The following SLC16A7 variants were observed in gnomAD, a reference collection of about 807,000 sequenced individuals.
SLC16A7 encodes the protein monocarboxylate transporter 2.
A neutral mutation model predicts 34.9 loss-of-function variants in SLC16A7; 33 were observed. That is an observed-to-expected ratio of 0.94 (90% CI 0.72 to 1.26). The LOEUF (loss-of-function observed/expected upper bound fraction) is 1.26. SLC16A7 is among the 50% of genes most tolerant of loss of function. The probability of loss-of-function intolerance (pLI) is 0.00; values close to 1 mark genes in which losing one functional copy is unlikely to be tolerated. For synonymous variants in SLC16A7, 201 were observed against 206.6 expected, an observed-to-expected ratio of 0.97 and a Z score of 0.23; for missense variants, 573 against 578.1, an observed-to-expected ratio of 0.99 and a Z score of 0.09.
chr12:59,710,343 T>C (rs980131943), intron 3 of SLC16A7, among the ~76,000 whole-genome samples: 2 of 152,148 alleles, frequency 1.3e-5, no homozygotes, highest in African/African-American at 4.8e-5. Context: ...GGAATAAAAG[T>C]GAGAGGCAAG....
intron 3 of SLC16A7, among the ~76,000 whole-genome samples, chr12:59,739,822 T>G (rs1440277624): frequency 6.6e-6 from 1 of 152,222 alleles, no homozygotes; most frequent in Admixed American, 6.5e-5. Flanking sequence ...TCATGTGTTT[T>G]TTGGCTGCAT....
intron 2 of SLC16A7, among the ~76,000 whole-genome samples, chr12:59,687,022 C>T (rs1380892943): frequency 6.6e-6 from 1 of 151,566 alleles, no homozygotes; most frequent in East Asian, 1.9e-4. Flanking sequence ...ATACATATAG[C>T]AAAACATTTT....
chr12:59,689,753 C>G (rs1309588821), intron 2 of SLC16A7, among the ~76,000 whole-genome samples: 1 of 151,838 alleles, frequency 6.6e-6, no homozygotes, highest in African/African-American at 2.4e-5. Context: ...AGAAAAGAAC[C>G]AAAACACCAG....
chr12:59,704,292 C>T (rs376014549), intron 2 of SLC16A7, among the ~76,000 whole-genome samples: 3 of 145,880 alleles, frequency 2.1e-5, no homozygotes, highest in East Asian at 4.1e-4. Context: ...GCGTAGACAA[C>T]AGAAAGCAAT....
intron 3 of SLC16A7, among the ~76,000 whole-genome samples, chr12:59,757,765 G>C (rs2706294): frequency 6.6e-6 from 1 of 151,730 alleles, no homozygotes; most frequent in Non-Finnish European, 1.5e-5. Flanking sequence ...CCTACTTAAC[G>C]TGAAGATAAT....
At chr12:59,661,308 A>T (rs77754251) in intron 2 of SLC16A7, among the ~76,000 whole-genome samples, 2,277 of 152,148 alleles carry the variant, frequency 0.015, 59 homozygotes, top group African/African-American at 0.052. Context: ...GGGAAAGAAG[A>T]TAGATTTAAC....
intron 3 of SLC16A7, among the ~76,000 whole-genome samples, chr12:59,763,360 C>T (rs148435353): frequency 3.9e-5 from 6 of 151,910 alleles, no homozygotes; most frequent in Admixed American, 2.6e-4. Flanking sequence ...TTTGAACTTG[C>T]CAAAAATCAC....
rs367631966 is a variant in SLC16A7, at chr12:59,597,420, A to G, written c.-130+1184A>G. Among the ~76,000 whole-genome samples the G allele has an allele frequency of 1.1e-4, 16 of 152,294 alleles. No individual in the cohort carries two copies. The East Asian group carries it at 2.5e-3, about 24-fold the overall frequency. The stretch of plus-strand genomic sequence containing the variant: ...GCGGACAATGATGAAAGTGATGGGA[A>G]AAAGACTGGACCCAGAGGAAAGAGT... On this transcript the variant is annotated intron_variant, in intron 1 of 5. Transcript: ENST00000547379.
intron 2 of SLC16A7, among the ~76,000 whole-genome samples, chr12:59,658,020 A>G (rs1487841145): frequency 1.3e-5 from 2 of 151,988 alleles, no homozygotes; most frequent in African/African-American, 4.8e-5. Context: ...TTTCTCTAGT[A>G]TGAGGAAAAA....
chr12:59,775,192 T>C lies in SLC16A7; in HGVS notation c.897T>C (p.Ser299=). The C allele has an allele frequency of 1.2e-6, 2 of 1,614,184 alleles. No individual in the cohort carries two copies. The highest frequency in any genetic ancestry group is 1.7e-6 in the Non-Finnish European group (2 of 1,180,022). ...TCGTTGATATGTTTGCTAGGCCTTCTGTAGGATTAATTGCAAACTCCAAAT... is the reference window on the plus strand; with the variant it reads ...TCGTTGATATGTTTGCTAGGCCTTCCGTAGGATTAATTGCAAACTCCAAAT... The part of the protein sequence containing the change: ...MAFVDMFARP[S]VGLIANSKYI... Residue 299 remains serine (S), a synonymous_variant, in exon 5 of 6, where the codon TCT becomes TCC. Coordinates refer to ENST00000547379, the MANE Select transcript of SLC16A7 (RefSeq NM_001270623.2).
intron 3 of SLC16A7, among the ~76,000 whole-genome samples, chr12:59,748,665 C>T (rs185117705): frequency 6.6e-6 from 1 of 152,292 alleles, no homozygotes. Flanking sequence ...AGCAAAAATA[C>T]TACTGTAAGA....
intron 1 of SLC16A7, among the ~76,000 whole-genome samples, chr12:59,644,947 C>T (rs1240720777): frequency 2.0e-5 from 3 of 152,286 alleles, no homozygotes; most frequent in Non-Finnish European, 2.9e-5. Context: ...AGAAGTTAAG[C>T]ATGAAATCCA....
At chr12:59,736,862 C>T (rs975618724) in intron 3 of SLC16A7, among the ~76,000 whole-genome samples, 1 of 152,212 alleles carries the variant, frequency 6.6e-6, no homozygotes, top group Non-Finnish European at 1.5e-5. Flanking sequence ...GCCTTCCAAT[C>T]CCTCCCACTG....
chr12:59,631,286 T>A (rs1416759981), intron 1 of SLC16A7, among the ~76,000 whole-genome samples: 1 of 151,954 alleles, frequency 6.6e-6, no homozygotes, highest in Non-Finnish European at 1.5e-5. Context: ...GTACTTTCGC[T>A]TGTAGCAGAA....
At position 59,728,230 on chromosome 12, in the gene SLC16A7, A is replaced by G. The variant is rs1876516429; in HGVS notation, c.217+23212A>G. On this transcript the variant is annotated intron_variant, in intron 3 of 5. Coordinates refer to ENST00000547379, the MANE Select transcript of SLC16A7 (RefSeq NM_001270623.2). ...TAGGATGACCATGGATTTGGGACATAATGGGTCTGGGCCAGGTGGAAGAGC... is the reference window on the plus strand; with the variant it reads ...TAGGATGACCATGGATTTGGGACATGATGGGTCTGGGCCAGGTGGAAGAGC... 3.3e-5 allele frequency among the ~76,000 whole-genome samples: 5 copies of G among 152,194 alleles called. No individual in the cohort carries two copies. The South Asian group carries it at 1.0e-3, about 31-fold the overall frequency.
intron 3 of SLC16A7, among the ~76,000 whole-genome samples, chr12:59,717,351 G>A (rs919517207): frequency 2.0e-5 from 3 of 152,124 alleles, no homozygotes; most frequent in Non-Finnish European, 2.9e-5. Flanking sequence ...GGCGCCAGGA[G>A]TATTTCATGA....
intron 2 of SLC16A7, among the ~76,000 whole-genome samples, chr12:59,698,150 CT>C (rs1219802752): frequency 2.0e-5 from 3 of 151,620 alleles, no homozygotes; most frequent in African/African-American, 7.2e-5. Context: ...AAGAAAAGTA[CT>C]TATTACAATA....
At chr12:59,677,542 C>A (rs1870406137) in intron 2 of SLC16A7, among the ~76,000 whole-genome samples, 1 of 152,078 alleles carries the variant, frequency 6.6e-6, no homozygotes, top group African/African-American at 2.4e-5. Flanking sequence ...TTTTAGCATC[C>A]ACCTTCAAAG....
intron 1 of SLC16A7, among the ~76,000 whole-genome samples, chr12:59,637,280 G>A (rs1409043509): frequency 6.6e-6 from 1 of 152,086 alleles, no homozygotes; most frequent in Non-Finnish European, 1.5e-5. Context: ...AATCTGTCGT[G>A]TGCTGCCTAC....
Sources: allele counts gnomAD v4.1 joint callset (sites outside exome capture counted in the v4.1 genomes callset), GRCh38; gene constraint gnomAD v4.1.1; transcripts MANE v1.5; gene names NCBI Gene and HGNC (gene_info 2026-07-23, HGNC 2026-07-21).